SCHIP1: variants seen among roughly 807,000 people sequenced by gnomAD.
SCHIP1 encodes schwannomin-interacting protein 1.
SCHIP1 carries 8 observed loss-of-function variants against 29.7 expected under a neutral mutation model. That is an observed-to-expected ratio of 0.27 (90% CI 0.16 to 0.49). The LOEUF (loss-of-function observed/expected upper bound fraction) is 0.49. SCHIP1 is among the 20% of genes least tolerant of loss of function. The pLI, the probability that SCHIP1 is intolerant of heterozygous loss-of-function variation, is 0.99. For missense variants in SCHIP1, 193 were observed against 294.6 expected, an observed-to-expected ratio of 0.66 and a Z score of 2.52; for synonymous variants, 76 against 94.9, an observed-to-expected ratio of 0.80 and a Z score of 1.16.
At chr3:159,680,583 AT>A in the SCHIP1 span, among the ~76,000 whole-genome samples, 32 of 109,878 alleles carry the variant, frequency 2.9e-4, no homozygotes, top group African/African-American at 1.2e-3. Flanking sequence ...ATATATCTAT[AT>A]ATAATATATG....
At chr3:159,523,765 A>C in the SCHIP1 span, among the ~76,000 whole-genome samples, 10 of 152,346 alleles carry the variant, frequency 6.6e-5, no homozygotes, top group African/African-American at 2.4e-4. Flanking sequence ...CAAGTAAAAT[A>C]AGACACTGAT....
chr3:159,455,076 AAG>A, the SCHIP1 span, among the ~76,000 whole-genome samples: 4 of 152,192 alleles, frequency 2.6e-5, no homozygotes, highest in Admixed American at 6.6e-5. Context: ...TAAAGGAAAA[AAG>A]AGAGAGAAAA....
the SCHIP1 span, among the ~76,000 whole-genome samples, chr3:159,680,491 G>C: frequency 2.3e-5 from 3 of 132,422 alleles, no homozygotes; most frequent in South Asian, 2.2e-4. Context: ...CCTGGTGACA[G>C]AGCAAGATCT....
intron 2 of SCHIP1, 49 bp downstream of exon 3, chr3:159,866,330 G>A (rs780759509): frequency 8.6e-6 from 13 of 1,514,364 alleles, no homozygotes; most frequent in Non-Finnish European, 1.2e-5. Context: ...AGTGGATTCT[G>A]TCACTTGACT....
At chr3:159,500,703 ACT>A in the SCHIP1 span, among the ~76,000 whole-genome samples, 1 of 149,010 alleles carries the variant, frequency 6.7e-6, no homozygotes, top group African/African-American at 2.5e-5. Context: ...AAAGAGCGAG[ACT>A]CTGTCTCAAA....
chr3:159,686,821 G>A, the SCHIP1 span, among the ~76,000 whole-genome samples: 1 of 151,996 alleles, frequency 6.6e-6, no homozygotes, highest in African/African-American at 2.4e-5. Flanking sequence ...GTCTCTTTTG[G>A]GTAAATGATA....
chr3:159,276,601 C>G, the SCHIP1 span, among the ~76,000 whole-genome samples: 1 of 152,098 alleles, frequency 6.6e-6, no homozygotes, highest in African/African-American at 2.4e-5. Context: ...CATGATGGAC[C>G]TAACTAGGTA....
chr3:159,707,696 C>A, the SCHIP1 span, among the ~76,000 whole-genome samples: 1 of 152,126 alleles, frequency 6.6e-6, no homozygotes, highest in Non-Finnish European at 1.5e-5. Flanking sequence ...TTTCTTTGAA[C>A]CTAATTAAAT....
At chr3:159,583,037 TG>T in the SCHIP1 span, among the ~76,000 whole-genome samples, 1 of 152,118 alleles carries the variant, frequency 6.6e-6, no homozygotes, top group Non-Finnish European at 1.5e-5. Context: ...TAAAAGCTTT[TG>T]TATCCTCCAG....
the SCHIP1 span, among the ~76,000 whole-genome samples, chr3:159,661,851 A>C: frequency 6.6e-6 from 1 of 152,228 alleles, no homozygotes; most frequent in African/African-American, 2.4e-5. Context: ...GGACTTTGGC[A>C]TCTAGACATT....
At chr3:159,358,613 T>C in the SCHIP1 span, among the ~76,000 whole-genome samples, 3 of 152,216 alleles carry the variant, frequency 2.0e-5, no homozygotes, top group Non-Finnish European at 2.9e-5. Flanking sequence ...ATAAAACTGC[T>C]TCAATGAGAA....
chr3:159,446,664 T>C, the SCHIP1 span, among the ~76,000 whole-genome samples: 2 of 152,044 alleles, frequency 1.3e-5, no homozygotes, highest in African/African-American at 4.8e-5. Flanking sequence ...AACAAGGAGA[T>C]CTCAAACATA....
At chr3:159,597,137 A>G in the SCHIP1 span, among the ~76,000 whole-genome samples, 7 of 152,268 alleles carry the variant, frequency 4.6e-5, no homozygotes, top group African/African-American at 1.4e-4. Flanking sequence ...CAGGGCATGC[A>G]TACCATATAA....
the SCHIP1 span, chr3:159,764,672 GGGAGGA>G: frequency 9.7e-5 from 154 of 1,590,862 alleles, no homozygotes; most frequent in Non-Finnish European, 1.2e-4. The surrounding 1 kb of genome is among the most constrained non-coding windows in gnomAD (Gnocchi z 6.1). Context: ...GAGGAGGACG[GGGAGGA>G]GGAGGAAGAG....
chr3:159,686,554 T>C, the SCHIP1 span, among the ~76,000 whole-genome samples: 1 of 152,152 alleles, frequency 6.6e-6, no homozygotes, highest in South Asian at 2.1e-4. Context: ...ACACACAGAT[T>C]ATTGAATAAA....
At chr3:159,735,323 G>A in the SCHIP1 span, among the ~76,000 whole-genome samples, 43 of 151,274 alleles carry the variant, frequency 2.8e-4, no homozygotes, top group Non-Finnish European at 5.4e-4. Context: ...TCTGCCTCCC[G>A]GGTTCAAGTG....
chr3:159,372,823 C>T, the SCHIP1 span, among the ~76,000 whole-genome samples: 1 of 152,058 alleles, frequency 6.6e-6, no homozygotes, highest in Non-Finnish European at 1.5e-5. Flanking sequence ...AACACAACCA[C>T]AACCATTTGT....
At chr3:159,571,243 G>C in the SCHIP1 span, among the ~76,000 whole-genome samples, 1 of 152,232 alleles carries the variant, frequency 6.6e-6, no homozygotes, top group African/African-American at 2.4e-5. Flanking sequence ...TCCAGTTTTT[G>C]CCCATTCAGT....
At chr3:159,630,293 C>T in the SCHIP1 span, among the ~76,000 whole-genome samples, 1 of 152,094 alleles carries the variant, frequency 6.6e-6, no homozygotes, top group African/African-American at 2.4e-5. Context: ...TGTATGACCT[C>T]ATCTACAGAA....
Sources: gnomAD v4.1 joint callset for allele counts (sites outside exome capture counted in the v4.1 genomes callset) on GRCh38, gnomAD v4.1.1 for gene constraint, Gnocchi (gnomAD v3.1) non-coding constraint, MANE v1.5 for transcripts, NCBI Gene and HGNC (gene_info 2026-07-23, HGNC 2026-07-21) for gene names.